The following MAD1L1 variants were observed in gnomAD, a reference collection of about 807,000 sequenced individuals.
The protein encoded by MAD1L1 is mitotic spindle assembly checkpoint protein MAD1.
In MAD1L1, 95 loss-of-function variants were observed where a neutral mutation model predicts 96.9. The observed-to-expected ratio is 0.98, with a 90% CI of 0.83 to 1.16. The LOEUF (loss-of-function observed/expected upper bound fraction) is 1.16, where lower values mean the gene tolerates loss of function less well. Among genes scored for constraint, MAD1L1 ranks in the 50% most tolerant of loss-of-function variants. The pLI, the probability that MAD1L1 is intolerant of heterozygous loss-of-function variation, is 0.00. For synonymous variants in MAD1L1, 473 were observed against 396.6 expected, an observed-to-expected ratio of 1.19 and a Z score of -2.29; for missense variants, 1,007 against 954.4, an observed-to-expected ratio of 1.06 and a Z score of -0.73.
chr7:2,145,383 C>T (rs944942709), intron 11 of MAD1L1, among the ~76,000 whole-genome samples: 1 of 152,236 alleles, frequency 6.6e-6, no homozygotes, highest in East Asian at 1.9e-4. Flanking sequence ...CCAACTCCAG[C>T]CCCAAGACCA....
intron 10 of MAD1L1, among the ~76,000 whole-genome samples, chr7:2,209,100 C>T (rs892451369): frequency 3.3e-5 from 5 of 152,182 alleles, no homozygotes; most frequent in Non-Finnish European, 7.4e-5. Flanking sequence ...TAACATGCCC[C>T]CAGCCTGCGT....
intron 18 of MAD1L1, among the ~76,000 whole-genome samples, chr7:1,865,027 T>C (rs1583592136): frequency 6.6e-6 from 1 of 152,160 alleles, no homozygotes; most frequent in African/African-American, 2.4e-5. Flanking sequence ...GCAGCTCAAG[T>C]CCCCACCTCA....
At chr7:1,934,985 C>T (rs1583839386) in intron 17 of MAD1L1, among the ~76,000 whole-genome samples, 1 of 151,780 alleles carries the variant, frequency 6.6e-6, no homozygotes, top group African/African-American at 2.4e-5. Context: ...ATGGGCAAAC[C>T]CGAGACGGGC....
chr7:1,955,976 T>A (rs1779710462), intron 16 of MAD1L1, among the ~76,000 whole-genome samples: 1 of 13,472 alleles, frequency 7.4e-5, no homozygotes, highest in Non-Finnish European at 1.5e-4. Context: ...TGAGGGCAAG[T>A]AAGGTGGGTG....
intron 12 of MAD1L1, among the ~76,000 whole-genome samples, chr7:2,060,365 A>C (rs1180972448): frequency 6.6e-6 from 1 of 151,436 alleles, no homozygotes; most frequent in East Asian, 1.9e-4. Context: ...GCTGATGCCA[A>C]GATACACCGA....
intron 18 of MAD1L1, among the ~76,000 whole-genome samples, chr7:1,836,426 G>A (rs1323735025): frequency 3.3e-5 from 5 of 152,090 alleles, no homozygotes; most frequent in Admixed American, 6.6e-5. Context: ...CATCTTGTGC[G>A]GACCTCCTAT....
In MAD1L1 at chr7:1,827,527, CCCGT is replaced by C. The variant is rs1199274258; in HGVS notation, c.1999-11303_1999-11300del. ...GGGTGTGGGGTCCTCCCCTCCTGAG[CCCGT>C]CCCGGGTGTGGGGGCCTCCCCTCCT... On this transcript the variant is annotated intron_variant, in intron 18 of 18. Coordinates refer to ENST00000265854, the MANE Select transcript of MAD1L1 (RefSeq NM_001013836.2). 2.3e-3 allele frequency among the ~76,000 whole-genome samples: 303 copies of C among 134,094 alleles called. 19 individuals are homozygous for C. Among genetic ancestry groups the C allele is most frequent in the South Asian group, 4.1e-3 (16 of 3,948 alleles). The allele number at this position is 134,094 out of a possible 152,430, so 88.0% of individuals were successfully genotyped here.
rs1780291945 is a variant in MAD1L1, at chr7:1,968,974, C to T, written c.1506-11255G>A. On this transcript the variant is annotated intron_variant, in intron 15 of 18. Coordinates refer to ENST00000265854, the MANE Select transcript of MAD1L1 (RefSeq NM_001013836.2). This position sits in a 1 kb window ranked among gnomAD's most constrained non-coding sequence, Gnocchi z 5.6. ...ACGCCGGTGACGAGCACCATGGCAG[C>T]GTGAGATGTCAACAGCGAGAGAAAC... Among the ~76,000 whole-genome samples the T allele has an allele frequency of 2.6e-5, 4 of 152,200 alleles. No homozygotes were observed. Among genetic ancestry groups the T allele is most frequent in the South Asian group, 2.1e-4 (1 of 4,830 alleles).
intron 18 of MAD1L1, among the ~76,000 whole-genome samples, chr7:1,856,987 T>C (rs1784290085): frequency 6.6e-6 from 1 of 151,972 alleles, no homozygotes; most frequent in African/African-American, 2.4e-5. Flanking sequence ...ACCCTGACTG[T>C]GCTGGACCCT....
rs77461871 is a variant in MAD1L1 at position 2,131,325 on chromosome 7, T to A, written c.1073+17827A>T. Reference sequence around the variant, plus strand: ...TCCCCCTCACTTCTCCACCTTGTGATGAGAGGCTACATTAAAAATGGCTTA... The same window carrying A: ...TCCCCCTCACTTCTCCACCTTGTGAAGAGAGGCTACATTAAAAATGGCTTA... On this transcript the variant is annotated intron_variant, in intron 11 of 18. Coordinates refer to ENST00000265854, the MANE Select transcript of MAD1L1 (RefSeq NM_001013836.2). Among the ~76,000 whole-genome samples the A allele has an allele frequency of 2.2e-3, 337 of 152,268 alleles. 1 individual carries two copies. In the East Asian group the frequency reaches 0.045, roughly 20 times the overall value.
intron 12 of MAD1L1, among the ~76,000 whole-genome samples, chr7:2,041,499 C>A (rs1249382113): frequency 6.6e-6 from 1 of 152,184 alleles, no homozygotes; most frequent in South Asian, 2.1e-4. Flanking sequence ...TTCCCTGACT[C>A]CATTTGGGCA....
intron 15 of MAD1L1, among the ~76,000 whole-genome samples, chr7:1,971,121 C>T (rs894221746): frequency 6.6e-6 from 1 of 152,158 alleles, no homozygotes; most frequent in African/African-American, 2.4e-5. Flanking sequence ...TCCTTAAACC[C>T]CGTCTCAGGC....
At position 2,088,414 on chromosome 7, in the gene MAD1L1, G is replaced by A. The variant is rs1444147783; in HGVS notation, c.1074-19076C>T. ...GCCACCTATTCCCACCACAGCCCCC[G>A]CCCCGCTCCGTCCCACCATGGCAGT... On this transcript the variant is annotated intron_variant, in intron 11 of 18. Transcript: ENST00000265854. This position sits in a 1 kb window ranked among gnomAD's most constrained non-coding sequence, Gnocchi z 4.4. 1.3e-5 allele frequency among the ~76,000 whole-genome samples: 2 copies of A among 152,028 alleles called. No individual in the cohort carries two copies. Among genetic ancestry groups the A allele is most frequent in the Admixed American group, 6.6e-5 (1 of 15,266 alleles).
chr7:1,917,143 C>T (rs182286314), intron 17 of MAD1L1, among the ~76,000 whole-genome samples: 3 of 152,308 alleles, frequency 2.0e-5, no homozygotes, highest in Non-Finnish European at 2.9e-5. Context: ...GCCCCAGGGC[C>T]GAGCGTCCAG....
intron 11 of MAD1L1, among the ~76,000 whole-genome samples, chr7:2,091,520 G>C (rs1015795229): frequency 6.6e-6 from 1 of 152,216 alleles, no homozygotes; most frequent in Non-Finnish European, 1.5e-5. Context: ...TCACGCCTAT[G>C]ATCCCAGCAC....
chr7:2,093,789 G>C (rs1786335228), intron 11 of MAD1L1, among the ~76,000 whole-genome samples: 3 of 152,216 alleles, frequency 2.0e-5, no homozygotes. Flanking sequence ...CGCTCCATCA[G>C]CCAGAGGAGC....
At chr7:2,149,944 G>T (rs1348927429) in intron 10 of MAD1L1, among the ~76,000 whole-genome samples, 2 of 152,186 alleles carry the variant, frequency 1.3e-5, no homozygotes, top group Non-Finnish European at 2.9e-5. Flanking sequence ...CACAACCTGG[G>T]GCACAAAGCC....
intron 8 of MAD1L1, 77 bp downstream of exon 8, chr7:2,216,080 G>C: frequency 6.2e-7 from 1 of 1,608,484 alleles, no homozygotes; most frequent in Non-Finnish European, 8.5e-7. Flanking sequence ...TGCCCCTACA[G>C]GGTCTGCACA....
At chr7:1,926,112 A>G (rs1325723548) in intron 17 of MAD1L1, among the ~76,000 whole-genome samples, 1 of 152,222 alleles carries the variant, frequency 6.6e-6, no homozygotes, top group Non-Finnish European at 1.5e-5. Context: ...AAAATCAGCG[A>G]GGCAAGAGCA....
Sources: allele counts gnomAD v4.1 joint callset (sites outside exome capture counted in the v4.1 genomes callset), GRCh38; gene constraint gnomAD v4.1.1; non-coding constraint Gnocchi (gnomAD v3.1); transcripts MANE v1.5; gene names NCBI Gene and HGNC (gene_info 2026-07-23, HGNC 2026-07-21).